Variants in MYO3B observed in about 807,000 individuals in gnomAD.
MYO3B encodes myosin-IIIb.
Under a neutral mutation model 174.6 loss-of-function variants are expected in MYO3B, and 156 were observed. The observed-to-expected ratio is 0.89, with a 90% CI of 0.78 to 1.02. MYO3B has a LOEUF of 1.02. Among genes scored for constraint, MYO3B ranks in the 50% least tolerant of loss-of-function variants. MYO3B has a pLI of 0.00. For missense variants in MYO3B, 1,632 were observed against 1,639.4 expected, an observed-to-expected ratio of 1.00 and a Z score of 0.08; for synonymous variants, 563 against 569.1, an observed-to-expected ratio of 0.99 and a Z score of 0.15.
At chr2:170,436,361 T>A (rs1215899761) in intron 22 of MYO3B, among the ~76,000 whole-genome samples, 1 of 152,206 alleles carries the variant, frequency 6.6e-6, no homozygotes, top group African/African-American at 2.4e-5. Flanking sequence ...AAGGTGTGTG[T>A]GCGCATCTGC....
intron 30 of MYO3B, among the ~76,000 whole-genome samples, chr2:170,532,887 T>C (rs527966168): frequency 1.7e-4 from 26 of 151,002 alleles, no homozygotes; most frequent in African/African-American, 6.1e-4. Context: ...AAATTATGCA[T>C]GTTTGTATGT....
intron 30 of MYO3B, among the ~76,000 whole-genome samples, chr2:170,526,927 A>G (rs1228256829): frequency 6.6e-6 from 1 of 152,254 alleles, no homozygotes; most frequent in Non-Finnish European, 1.5e-5. Context: ...CTTTCTAAGA[A>G]CAGATTCCAA....
At chr2:170,599,231 T>C (rs1266541966) in intron 32 of MYO3B, among the ~76,000 whole-genome samples, 1 of 152,194 alleles carries the variant, frequency 6.6e-6, no homozygotes, top group African/African-American at 2.4e-5. Flanking sequence ...AGCTAAAGCA[T>C]AGAATACTGT....
At chr2:170,619,768 A>G (rs1359087994) in intron 32 of MYO3B, among the ~76,000 whole-genome samples, 4 of 17,246 alleles carry the variant, frequency 2.3e-4, no homozygotes, top group Non-Finnish European at 4.7e-4. Context: ...TTTTTTTGAG[A>G]CAGAGTCTCG....
At chr2:170,495,595 C>T (rs949072772) in intron 25 of MYO3B, among the ~76,000 whole-genome samples, 6 of 149,370 alleles carry the variant, frequency 4.0e-5, no homozygotes, top group African/African-American at 1.5e-4. Context: ...AAAAAAACAC[C>T]CACAGATGTC....
chr2:170,273,196 G>A (rs987696071), intron 7 of MYO3B, among the ~76,000 whole-genome samples: 1 of 152,176 alleles, frequency 6.6e-6, no homozygotes, highest in African/African-American at 2.4e-5. Context: ...CTATAGTCTG[G>A]CCCATCTCAC....
chr2:170,521,597 C>T (rs1688672276), intron 30 of MYO3B, among the ~76,000 whole-genome samples: 1 of 152,174 alleles, frequency 6.6e-6, no homozygotes, highest in African/African-American at 2.4e-5. Flanking sequence ...TCACAGACCC[C>T]AGATCCTCTG....
intron 8 of MYO3B, chr2:170,350,318 G>A (rs957697804): frequency 1.3e-5 from 2 of 152,152 alleles, no homozygotes; most frequent in Admixed American, 6.5e-5. Context: ...TGATAGCTAC[G>A]TGGTTAGCTG....
chr2:170,519,335 A>T (rs1311483712), intron 29 of MYO3B, 103 bp from the exon 30 acceptor site: 1 of 774,204 alleles, frequency 1.3e-6, no homozygotes, highest in Non-Finnish European at 2.1e-6. Flanking sequence ...ACGGAGTGGT[A>T]TGAGGGCAGG....
chr2:170,432,254 T>C (rs966755986), intron 22 of MYO3B, among the ~76,000 whole-genome samples: 4 of 152,186 alleles, frequency 2.6e-5, no homozygotes, highest in Non-Finnish European at 4.4e-5. Flanking sequence ...CTGTGTGTTA[T>C]TGCCCCATAG....
intron 7 of MYO3B, among the ~76,000 whole-genome samples, chr2:170,318,583 C>T (rs2093792651): frequency 6.6e-6 from 1 of 152,120 alleles, no homozygotes; most frequent in South Asian, 2.1e-4. Context: ...GCGAAATTTC[C>T]TTGTCTTGAA....
intron 32 of MYO3B, among the ~76,000 whole-genome samples, chr2:170,627,496 A>C (rs1444616175): frequency 6.6e-6 from 1 of 152,106 alleles, no homozygotes; most frequent in Non-Finnish European, 1.5e-5. Context: ...ATGGGTTCGA[A>C]CTTCCTCCTT....
chr2:170,553,337 A>G (rs763214495), intron 32 of MYO3B, among the ~76,000 whole-genome samples: 2 of 152,224 alleles, frequency 1.3e-5, no homozygotes, highest in African/African-American at 2.4e-5. Context: ...AGCTGCCCAA[A>G]GCCTTGGGAG....
At chr2:170,195,695 C>T (rs2092591696) in intron 1 of MYO3B, among the ~76,000 whole-genome samples, 2 of 152,122 alleles carry the variant, frequency 1.3e-5, no homozygotes, top group Non-Finnish European at 2.9e-5. Flanking sequence ...TTTAGGTACC[C>T]ACCTCTAGAT....
intron 32 of MYO3B, among the ~76,000 whole-genome samples, chr2:170,590,860 G>C (rs973210427): frequency 2.0e-5 from 3 of 152,076 alleles, no homozygotes; most frequent in African/African-American, 7.2e-5. Context: ...CTAGGGTGCT[G>C]CAGGGAGAAA....
intron 30 of MYO3B, among the ~76,000 whole-genome samples, chr2:170,537,448 A>ATTTTTTTTGTTTTTTTTTTTTTTTTT (rs1689789645): frequency 1.8e-5 from 1 of 54,804 alleles, no homozygotes; most frequent in South Asian, 6.4e-4. Context: ...GAGCTCTTTG[A>ATTTTTTTTGTTTTTTTTTTTTTTTTT]TTTTTTTTTT....
intron 7 of MYO3B, among the ~76,000 whole-genome samples, chr2:170,311,568 A>T (rs2093739446): frequency 1.4e-5 from 2 of 139,818 alleles, no homozygotes; most frequent in South Asian, 2.4e-4. Context: ...TTGTCTTTTT[A>T]CTTTCTTGGT....
Position 170,401,681 on chromosome 2 carries a change from G to A in MYO3B, c.2119G>A (p.Glu707Lys), listed in dbSNP as rs1037042011. ...CATTAATACACTCCTGCAGCCAGAC[G>A]AAAACATATGGCAAGTTCCTCGGAG... ...NRINTLLQPD[E>K]NICSAGGGMN... The change falls in exon 18 of 35, where the codon GAA (glutamate) becomes AAA (lysine). Residue 707 changes from glutamate to lysine, a missense_variant. Transcript: ENST00000408978. 42 of 1,613,416 alleles carry A rather than the reference G, an allele frequency of 2.6e-5. No homozygotes were observed. The highest frequency in any genetic ancestry group is 3.5e-5 in the Non-Finnish European group (41 of 1,179,978).
chr2:170,558,449 C>T (rs1691492356), intron 32 of MYO3B, among the ~76,000 whole-genome samples: 1 of 152,152 alleles, frequency 6.6e-6, no homozygotes, highest in Non-Finnish European at 1.5e-5. Context: ...TTATGACTCT[C>T]TTCCTGCATC....
Sources: gnomAD v4.1 joint callset for allele counts (sites outside exome capture counted in the v4.1 genomes callset) on GRCh38, gnomAD v4.1.1 for gene constraint, MANE v1.5 for transcripts, NCBI Gene and HGNC (gene_info 2026-07-23, HGNC 2026-07-21) for gene names.